Variants in PHKB observed in about 807,000 individuals in gnomAD.
PHKB encodes the protein phosphorylase b kinase regulatory subunit beta.
A neutral mutation model predicts 152.1 loss-of-function variants in PHKB; 122 were observed. That is an observed-to-expected ratio of 0.80 (90% CI 0.69 to 0.93). The LOEUF (loss-of-function observed/expected upper bound fraction) is 0.93, where lower values mean the gene tolerates loss of function less well. Among genes scored for constraint, PHKB ranks in the 40% least tolerant of loss-of-function variants. The pLI, the probability that PHKB is intolerant of heterozygous loss-of-function variation, is 0.00. For synonymous variants in PHKB, 436 were observed against 464.9 expected (o/e 0.94, Z 0.80); for missense variants, 1,304 against 1,328.4 (o/e 0.98, Z 0.29).
At position 47,699,474 on chromosome 16, in the gene PHKB, G is replaced by A; in HGVS notation, c.*108G>A. 8.0e-7 allele frequency: 1 copy of A among 1,254,160 alleles called. No homozygotes were observed. The highest frequency in any genetic ancestry group is 1.2e-6 in the Non-Finnish European group (1 of 852,754). The allele number at this position is 1,254,160 out of a possible 1,614,324, so 77.7% of individuals were successfully genotyped here. ...TTAATATACGAACTGAGCATGCTGG[G>A]GAGGTGAATGCCACATCCTTGGCGG... On this transcript the variant is annotated 3_prime_UTR_variant, in exon 31 of 31. Coordinates refer to ENST00000323584, the MANE Select transcript of PHKB (RefSeq NM_000293.3).
chr16:47,642,710 G>A (rs1308064134), intron 16 of PHKB, among the ~76,000 whole-genome samples: 1 of 152,072 alleles, frequency 6.6e-6, no homozygotes, highest in Non-Finnish European at 1.5e-5. Context: ...TTGACATTAG[G>A]CAACACAAAC....
rs1972414198 is a variant in PHKB, at chr16:47,610,846, A to G, written c.1384A>G (p.Lys462Glu). Residue 462 changes from lysine to glutamate, a missense_variant, in exon 14 of 31, where the codon AAA becomes GAA. Coordinates refer to ENST00000323584, the MANE Select transcript of PHKB (RefSeq NM_000293.3). ...KLLADELISP[K>E]DIDPVQRYVP... ...TTCAGCTGATGAACTTATTAGTCCT[A>G]AAGACATTGATCCTGTCCAGCGCTA... is the stretch of plus-strand genomic sequence containing the variant. 6.2e-7 allele frequency: 1 copy of G among 1,606,204 alleles called. No homozygotes were observed. Among genetic ancestry groups the G allele is most frequent in the Non-Finnish European group, 8.5e-7 (1 of 1,172,846 alleles).
chr16:47,552,309 C>T (rs1172766938), intron 7 of PHKB, among the ~76,000 whole-genome samples: 2 of 152,120 alleles, frequency 1.3e-5, no homozygotes. Flanking sequence ...TTCATAGTGT[C>T]GATGGTCTTT....
At chr16:47,684,651 C>G (rs1291707676) in intron 26 of PHKB, among the ~76,000 whole-genome samples, 1 of 152,124 alleles carries the variant, frequency 6.6e-6, no homozygotes, top group Non-Finnish European at 1.5e-5. Context: ...CCTGTAGTCC[C>G]AGCTACTCGG....
intron 6 of PHKB, among the ~76,000 whole-genome samples, chr16:47,516,256 A>G (rs2151652399): frequency 6.6e-6 from 1 of 152,282 alleles, no homozygotes; most frequent in East Asian, 1.9e-4. Context: ...GTTGCATTTC[A>G]TAACTCACCC....
chr16:47,522,446 C>T (rs1324165047), intron 6 of PHKB, among the ~76,000 whole-genome samples: 1 of 151,600 alleles, frequency 6.6e-6, no homozygotes, highest in Non-Finnish European at 1.5e-5. Flanking sequence ...TCTTGGTCAG[C>T]CTAGCTAAAG....
intron 4 of PHKB, among the ~76,000 whole-genome samples, chr16:47,508,043 T>A (rs1970450362): frequency 1.3e-5 from 2 of 152,234 alleles, no homozygotes; most frequent in Non-Finnish European, 2.9e-5. Flanking sequence ...TGAAGTAAAA[T>A]CATGACCTAG....
At chr16:47,496,887 G>A (rs532461184) in intron 1 of PHKB, among the ~76,000 whole-genome samples, 1 of 152,288 alleles carries the variant, frequency 6.6e-6, no homozygotes, top group African/African-American at 2.4e-5. Context: ...TAGAGGATTA[G>A]GAATTTCAGC....
At chr16:47,505,439 C>A (rs1052993591) in intron 4 of PHKB, 1 of 152,226 alleles carries the variant, frequency 6.6e-6, no homozygotes, top group Non-Finnish European at 1.5e-5. Flanking sequence ...GGTGTCTGCC[C>A]CCATACCACC....
intron 13 of PHKB, chr16:47,598,997 C>G (rs878871417): frequency 2.1e-6 from 2 of 955,140 alleles, no homozygotes; most frequent in South Asian, 2.8e-5. Flanking sequence ...TTCAGCACAC[C>G]CTCCCTGACA....
Position 47,461,368 on chromosome 16 carries a change from A to T in PHKB, c.18A>T (p.Gly6=), listed in dbSNP as rs777322397. MAGAA[G]LTAEVSWKVL... ...GGAGCGCGATGGCGGGGGCGGCGGG[A>T]CTCACGGCAGAAGTGAGCTGGAAGG... The change falls in exon 1 of 31, where the codon GGA becomes GGT. Residue 6 remains glycine, a synonymous_variant. Coordinates refer to ENST00000323584, the MANE Select transcript of PHKB (RefSeq NM_000293.3). 3.7e-6 allele frequency: 6 copies of T among 1,611,454 alleles called. No individual in the cohort carries two copies. Among genetic ancestry groups the T allele is most frequent in the Non-Finnish European group, 5.1e-6 (6 of 1,179,462 alleles).
chr16:47,636,631 G>A (rs1456194206), intron 14 of PHKB, among the ~76,000 whole-genome samples: 1 of 152,234 alleles, frequency 6.6e-6, no homozygotes, highest in Non-Finnish European at 1.5e-5. Flanking sequence ...GCACGCTCAG[G>A]GCAGTGTTGA....
intron 12 of PHKB, among the ~76,000 whole-genome samples, chr16:47,594,650 T>A (rs912600374): frequency 6.6e-6 from 1 of 152,166 alleles, no homozygotes; most frequent in African/African-American, 2.4e-5. Context: ...TAGCATTGTA[T>A]TTTGAACATC....
At chr16:47,596,321 T>G (rs1972117980) in intron 12 of PHKB, 52 bp from the exon 13 acceptor site, 1 of 1,253,848 alleles carries the variant, frequency 8.0e-7, no homozygotes, top group East Asian at 2.4e-5. Flanking sequence ...AGCATGAGAA[T>G]GGACTAATAC....
At position 47,589,113 on chromosome 16, in the gene PHKB, AT is replaced by A; in HGVS notation, c.1068+12del. ...CCAGCTGAAATTAAGGTATTAAAAAATATTCCATGGTAATCGCATATCAGAG... is the reference window on the plus strand; with the variant it reads ...CCAGCTGAAATTAAGGTATTAAAAAAATTCCATGGTAATCGCATATCAGAG... On this transcript the variant is annotated intron_variant, in intron 10 of 30. Coordinates refer to ENST00000323584, the MANE Select transcript of PHKB (RefSeq NM_000293.3). 6.3e-7 allele frequency: 1 copy of A among 1,591,876 alleles called. No individual in the cohort carries two copies. The highest frequency in any genetic ancestry group is 8.6e-7 in the Non-Finnish European group (1 of 1,160,384).
At chr16:47,661,934 A>C in intron 23 of PHKB, 134 bp downstream of exon 23, 1 of 717,540 alleles carries the variant, frequency 1.4e-6, no homozygotes, top group Non-Finnish European at 2.5e-6. Context: ...TTCACTTTTG[A>C]ATGGAAAATG....
intron 7 of PHKB, among the ~76,000 whole-genome samples, chr16:47,554,918 G>C (rs989320101): frequency 1.3e-5 from 2 of 152,170 alleles, no homozygotes; most frequent in African/African-American, 4.8e-5. Context: ...CCCGCCTTCT[G>C]CATTGGTCTT....
intron 7 of PHKB, among the ~76,000 whole-genome samples, chr16:47,554,907 A>C (rs1056784137): frequency 6.6e-6 from 1 of 151,900 alleles, no homozygotes; most frequent in Non-Finnish European, 1.5e-5. Context: ...TGCAGAAATC[A>C]CCCGCCTTCT....
At chr16:47,622,417 A>G (rs1029423078) in intron 14 of PHKB, among the ~76,000 whole-genome samples, 22 of 152,132 alleles carry the variant, frequency 1.4e-4, no homozygotes, top group Admixed American at 7.9e-4. Flanking sequence ...GGGAGTGTCT[A>G]CTTTCTTGAG....
Sources: allele counts gnomAD v4.1 joint callset (sites outside exome capture counted in the v4.1 genomes callset), GRCh38; gene constraint gnomAD v4.1.1; transcripts MANE v1.5; gene names NCBI Gene and HGNC (gene_info 2026-07-23, HGNC 2026-07-21).